The following MPDZ variants were observed in gnomAD, a reference collection of about 807,000 sequenced individuals.
MPDZ encodes multiple PDZ domain protein.
Under a neutral mutation model 239.1 loss-of-function variants are expected in MPDZ, and 234 were observed. That is an observed-to-expected ratio of 0.98 (90% confidence interval 0.88 to 1.09). MPDZ has a LOEUF of 1.09. Ranked by LOEUF, MPDZ falls within the 50% of genes least tolerant of loss-of-function variation. MPDZ has a pLI of 0.00. For synonymous variants in MPDZ, 1,048 were observed against 881.3 expected, an observed-to-expected ratio of 1.19 and a Z score of -3.35; for missense variants, 3,175 against 2,510.0, an observed-to-expected ratio of 1.26 and a Z score of -5.66.
intron 10 of MPDZ, among the ~76,000 whole-genome samples, chr9:13,215,254 C>T (rs1958147404): frequency 6.6e-6 from 1 of 151,622 alleles, no homozygotes; most frequent in Non-Finnish European, 1.5e-5. Context: ...AGCATAATGT[C>T]CTCAAGGTTT....
chr9:13,267,423 T>C (rs1972030909), intron 1 of MPDZ, among the ~76,000 whole-genome samples: 1 of 152,206 alleles, frequency 6.6e-6, no homozygotes, highest in Non-Finnish European at 1.5e-5. Flanking sequence ...TAGTGTTTTC[T>C]CCTTCATGAA....
At chr9:13,130,746 A>T (rs1412833509) in intron 32 of MPDZ, among the ~76,000 whole-genome samples, 3 of 152,238 alleles carry the variant, frequency 2.0e-5, no homozygotes, top group Admixed American at 6.5e-5. Context: ...AATCAGAAAG[A>T]CCAAGTGATA....
intron 1 of MPDZ, among the ~76,000 whole-genome samples, chr9:13,275,029 A>C (rs1449904325): frequency 6.6e-6 from 1 of 152,224 alleles, no homozygotes; most frequent in Non-Finnish European, 1.5e-5. Flanking sequence ...CCAAAGATAA[A>C]ATACCTTTGT....
At chr9:13,236,398 C>T (rs1182881149) in intron 3 of MPDZ, among the ~76,000 whole-genome samples, 2 of 149,042 alleles carry the variant, frequency 1.3e-5, no homozygotes, top group East Asian at 4.0e-4. Context: ...CTGCCTCAGC[C>T]TACCAAGTAG....
intron 3 of MPDZ, among the ~76,000 whole-genome samples, chr9:13,241,884 G>T (rs1965496706): frequency 6.6e-6 from 1 of 152,138 alleles, no homozygotes. Context: ...TATAGTGTGT[G>T]TTCCACCTAA....
At chr9:13,162,549 A>G in intron 23 of MPDZ, 142 bp downstream of exon 23, 1 of 404,294 alleles carries the variant, frequency 2.5e-6, no homozygotes, top group East Asian at 3.6e-5. Context: ...TAATTGAGGG[A>G]AAGGGAAGAA....
chr9:13,209,587 C>T (rs1369425203), intron 10 of MPDZ, among the ~76,000 whole-genome samples: 4 of 152,144 alleles, frequency 2.6e-5, no homozygotes, highest in Non-Finnish European at 4.4e-5. Flanking sequence ...TGAAATATCA[C>T]GGTCCAAAAG....
Position 13,164,722 on chromosome 9 carries a change from C to A in MPDZ, c.3255-1927G>T, listed in dbSNP as rs185004487. 7.2e-4 allele frequency among the ~76,000 whole-genome samples: 109 copies of A among 152,028 alleles called. No individual in the cohort carries two copies. In the Middle Eastern group the frequency reaches 0.01, roughly 14 times the overall value. ...GGCATTTACAAATATTTTTCTGATA[C>A]TTTGCATAGCAGTGAGAAAGAGTAG... On this transcript the variant is annotated intron_variant, in intron 22 of 46. Transcript: ENST00000319217.
chr9:13,247,801 T>G lies in MPDZ; in HGVS notation c.17A>C (p.Asp6Ala). Residue 6 changes from aspartate (D) to alanine (A), a missense_variant and splice_region_variant, in exon 3 of 47, where the codon GAC becomes GCC. Coordinates refer to ENST00000319217, the MANE Select transcript of MPDZ (RefSeq NM_001378778.1). MLEAI[D>A]KNRALHAAER... ...TGCTGCATGCAGGGCCCGATTTTTG[T>G]CTATACCAAAGAGCAGCATTTGTCA... is the stretch of plus-strand genomic sequence containing the variant. 3 of 1,600,086 alleles carry G rather than the reference T, an allele frequency of 1.9e-6. No homozygotes were observed. Among genetic ancestry groups the G allele is most frequent in the Non-Finnish European group, 2.6e-6 (3 of 1,168,996 alleles).
At chr9:13,139,815 T>A in intron 28 of MPDZ, 172 bp downstream of exon 28, 1 of 752,620 alleles carries the variant, frequency 1.3e-6, no homozygotes, top group Non-Finnish European at 2.3e-6. Flanking sequence ...ATTTCATGCC[T>A]CAGGAATGTA....
At position 13,186,269 on chromosome 9, in the gene MPDZ, C is replaced by T. The variant is rs754027582; in HGVS notation, c.2481+1G>A. ...AAGCTTGATAAGTCATAGCCACTAA[C>T]CAGAGCCAAGTCAGCCCTGAAGAGG... On this transcript the variant is annotated splice_donor_variant, in intron 18 of 46. Coordinates refer to ENST00000319217, the MANE Select transcript of MPDZ (RefSeq NM_001378778.1). LOFTEE classifies it high-confidence loss of function. 3 of 1,567,094 alleles carry T rather than the reference C, an allele frequency of 1.9e-6. No individual in the cohort carries two copies. In the South Asian group the frequency reaches 3.6e-5, roughly 19 times the overall value.
intron 1 of MPDZ, among the ~76,000 whole-genome samples, chr9:13,253,153 C>G (rs1309303825): frequency 6.6e-6 from 1 of 150,832 alleles, no homozygotes; most frequent in African/African-American, 2.4e-5. Flanking sequence ...CACTGTTGTC[C>G]AGAAGTTCAC....
rs1372031383 is a variant in MPDZ at position 13,190,202 on chromosome 9, G to A, written c.2066C>T (p.Ala689Val). Reference protein sequence around the residue: ...DAGQSTEEVQAPLAMWEAGIQ... With the variant: ...DAGQSTEEVQVPLAMWEAGIQ... ...GCCAGCCTCCCACATGGCCAAAGGT[G>A]CTTGAACCTCTTCTGTACTCTGACC... Residue 689 changes from alanine to valine, a missense_variant, in exon 16 of 47, where the codon GCA becomes GTA. Physicochemically the swap from Ala to Val is moderately conservative, Grantham distance 64 (BLOSUM62 0). Coordinates refer to ENST00000319217, the MANE Select transcript of MPDZ (RefSeq NM_001378778.1). 2 of 1,613,084 alleles carry A rather than the reference G, an allele frequency of 1.2e-6. No individual in the cohort carries two copies. The highest frequency in any genetic ancestry group is 2.7e-5 in the African/African-American group (2 of 74,896).
At chr9:13,141,651 C>T (rs1947710538) in intron 27 of MPDZ, among the ~76,000 whole-genome samples, 1 of 151,996 alleles carries the variant, frequency 6.6e-6, no homozygotes, top group Non-Finnish European at 1.5e-5. Context: ...GATAAACACG[C>T]ACAAATACTT....
intron 23 of MPDZ, among the ~76,000 whole-genome samples, chr9:13,160,830 T>TTAAATATATATATATA (rs1950374474): frequency 2.6e-5 from 1 of 37,978 alleles, no homozygotes; most frequent in Non-Finnish European, 5.3e-5. Context: ...ATTATTAAAA[T>TTAAATATATATATATA]TATATATATA....
At chr9:13,209,911 T>C (rs369702077) in intron 10 of MPDZ, among the ~76,000 whole-genome samples, 25 of 151,710 alleles carry the variant, frequency 1.6e-4, no homozygotes, top group East Asian at 1.2e-3. Context: ...TGGAGACTCA[T>C]AGGCTGAGCT....
At chr9:13,220,259 G>T (rs1477547927) in intron 7 of MPDZ, among the ~76,000 whole-genome samples, 1 of 151,906 alleles carries the variant, frequency 6.6e-6, no homozygotes, top group East Asian at 1.9e-4. Context: ...TGAAATACTT[G>T]TGAAGTGAAA....
At chr9:13,230,692 C>G (rs1962146808) in intron 3 of MPDZ, among the ~76,000 whole-genome samples, 2 of 151,990 alleles carry the variant, frequency 1.3e-5, no homozygotes, top group Non-Finnish European at 2.9e-5. Flanking sequence ...TAGATCTGAT[C>G]TTGATTGTGG....
At chr9:13,129,215 C>A (rs1343963406) in intron 32 of MPDZ, among the ~76,000 whole-genome samples, 1 of 152,142 alleles carries the variant, frequency 6.6e-6, no homozygotes, top group Non-Finnish European at 1.5e-5. Context: ...GTAATCCCAG[C>A]ACTTTGGGAG....
Sources: allele counts gnomAD v4.1 joint callset (sites outside exome capture counted in the v4.1 genomes callset), GRCh38; gene constraint gnomAD v4.1.1; transcripts MANE v1.5; gene names NCBI Gene and HGNC (gene_info 2026-07-23, HGNC 2026-07-21).